SCARA5: variants seen among roughly 807,000 people sequenced by gnomAD.
SCARA5 encodes scavenger receptor class A member 5.
A neutral mutation model predicts 46.3 loss-of-function variants in SCARA5; 45 were observed. That is an observed-to-expected ratio of 0.97 (90% CI 0.76 to 1.24). SCARA5 has a LOEUF of 1.24. SCARA5 is among the 50% of genes most tolerant of loss of function. The probability of loss-of-function intolerance (pLI) is 0.00; values close to 1 mark genes in which losing one functional copy is unlikely to be tolerated. For missense variants in SCARA5, 680 were observed against 689.0 expected, an observed-to-expected ratio of 0.99 and a Z score of 0.15; for synonymous variants, 333 against 306.5, an observed-to-expected ratio of 1.09 and a Z score of -0.90.
At position 27,879,693 on chromosome 8, in the gene SCARA5, G is replaced by A. The variant is rs1398718758; in HGVS notation, c.1227C>T (p.Tyr409=). Residue 409 remains tyrosine (Y), a synonymous_variant, in exon 8 of 9, where the codon TAC becomes TAT. Transcript: ENST00000354914. ...ACACGGTGCCCCAACGCCGGTCGTG[G>A]TACACTTCCACGCGGCCCTCGTGCG... ...SGPHEGRVEV[Y]HDRRWGTVCD... is the part of the protein sequence containing the mutation. 7 of 1,612,938 alleles carry A rather than the reference G, an allele frequency of 4.3e-6. 1 individual carries two copies. The highest frequency in any genetic ancestry group is 5.1e-6 in the Non-Finnish European group (6 of 1,180,044).
intron 3 of SCARA5, among the ~76,000 whole-genome samples, chr8:27,961,332 CG>C (rs763265920): frequency 6.6e-6 from 1 of 152,060 alleles, no homozygotes; most frequent in Non-Finnish European, 1.5e-5. Context: ...TGTTTAAAGA[CG>C]GTGGACCTCC....
At chr8:27,938,817 A>C (rs1807896515) in intron 3 of SCARA5, among the ~76,000 whole-genome samples, 1 of 152,156 alleles carries the variant, frequency 6.6e-6, no homozygotes, top group Non-Finnish European at 1.5e-5. Flanking sequence ...CCCATCGTAA[A>C]CTAGTAACTC....
chr8:27,935,331 G>A (rs1385807699), intron 3 of SCARA5, among the ~76,000 whole-genome samples: 3 of 152,144 alleles, frequency 2.0e-5, no homozygotes, highest in Admixed American at 6.5e-5. Flanking sequence ...TCACAGCATC[G>A]CAACCCAGGC....
At chr8:27,886,421 C>A in intron 7 of SCARA5, among the ~76,000 whole-genome samples, 1 of 152,220 alleles carries the variant, frequency 6.6e-6, no homozygotes, top group South Asian at 2.1e-4. Flanking sequence ...TTTCTCCCCA[C>A]CCAACAAAAT....
rs866872944 is a variant in SCARA5 at position 27,905,529 on chromosome 8, G to C, written c.1097-695C>G. Among the ~76,000 whole-genome samples, 8 of 90,914 alleles carry C rather than the reference G, an allele frequency of 8.8e-5. 3 individuals are homozygous for C. 59.6% of individuals were successfully genotyped at this position (90,914 alleles called of 152,430 possible). A position where few individuals can be genotyped will look rare whatever the true frequency, so the allele number is the denominator to read the frequency against. On this transcript the variant is annotated intron_variant, in intron 6 of 8. Coordinates refer to ENST00000354914, the MANE Select transcript of SCARA5 (RefSeq NM_173833.6). ...CCCAGGATGATCCAAGATTTGGGGG[G>C]GGGAAAAAAAAAAGGCAGCCATATA...
rs10102992 is a variant in SCARA5 at position 27,951,771 on chromosome 8, C to T, written c.241+14643G>A. Among the ~76,000 whole-genome samples, 1,510 of 152,276 alleles carry T rather than the reference C, an allele frequency of 9.9e-3. 26 individuals are homozygous for T. Among genetic ancestry groups the T allele is most frequent in the African/African-American group, 0.035 (1,436 of 41,558 alleles). ...AGACAAGGCTGGAGAAGAGGAGGTC[C>T]GGAATCCCTTCTTCCTTTCAACATT... On this transcript the variant is annotated intron_variant, in intron 3 of 8. Coordinates refer to ENST00000354914, the MANE Select transcript of SCARA5 (RefSeq NM_173833.6).
intron 7 of SCARA5, among the ~76,000 whole-genome samples, chr8:27,889,015 C>T (rs557428364): frequency 6.6e-6 from 1 of 152,204 alleles, no homozygotes; most frequent in African/African-American, 2.4e-5. Context: ...GACCACAGCA[C>T]CTGCCTCCCC....
chr8:27,919,627 C>T (rs1239493327), intron 4 of SCARA5, among the ~76,000 whole-genome samples: 1 of 151,880 alleles, frequency 6.6e-6, no homozygotes, highest in Non-Finnish European at 1.5e-5. Context: ...TCTCTCTGTG[C>T]CCCCTAGCAT....
chr8:27,933,696 G>C (rs1222395721), intron 3 of SCARA5, among the ~76,000 whole-genome samples: 2 of 151,988 alleles, frequency 1.3e-5, no homozygotes, highest in African/African-American at 4.8e-5. Context: ...ACCTAATTCA[G>C]GTTCTGGAAA....
chr8:27,874,109 C>G (rs1455420246), intron 8 of SCARA5, among the ~76,000 whole-genome samples: 1 of 152,160 alleles, frequency 6.6e-6, no homozygotes, highest in East Asian at 1.9e-4. Flanking sequence ...TTCTGATGAA[C>G]AGAAAGACAA....
chr8:27,916,444 T>A (rs372091143), intron 4 of SCARA5, among the ~76,000 whole-genome samples: 5 of 152,216 alleles, frequency 3.3e-5, no homozygotes, highest in African/African-American at 1.2e-4. Context: ...TGTGTTTATG[T>A]CTGTATATGT....
intron 3 of SCARA5, among the ~76,000 whole-genome samples, chr8:27,944,891 C>A (rs537033678): frequency 6.6e-6 from 1 of 151,814 alleles, no homozygotes; most frequent in Admixed American, 6.6e-5. Context: ...TGAGGTCAGG[C>A]GCTGTGACTC....
chr8:27,902,264 C>T (rs1047939162), intron 7 of SCARA5, among the ~76,000 whole-genome samples: 1 of 152,150 alleles, frequency 6.6e-6, no homozygotes, highest in Non-Finnish European at 1.5e-5. Context: ...CTGATGTCAC[C>T]TCTTGCTGTA....
intron 2 of SCARA5, among the ~76,000 whole-genome samples, chr8:27,973,830 GA>G (rs1808482323): frequency 6.6e-6 from 1 of 152,092 alleles, no homozygotes; most frequent in Non-Finnish European, 1.5e-5. Context: ...CTTATGGGGT[GA>G]AAAAAATTCC....
At position 27,871,986 on chromosome 8, in the gene SCARA5, AC is replaced by A. The variant is rs1246802832; in HGVS notation, c.1435del (p.Val479Ter). 1.9e-6 allele frequency: 3 copies of A among 1,613,982 alleles called. No individual in the cohort carries two copies. The highest frequency in any genetic ancestry group is 1.1e-5 in the South Asian group (1 of 91,060). On this transcript the variant is annotated frameshift_variant, in exon 9 of 9. Coordinates refer to ENST00000354914, the MANE Select transcript of SCARA5 (RefSeq NM_173833.6). LOFTEE classifies it high-confidence loss of function. ...ATCTTCGGCATGTCCACAGTTTGTC[AC>A]CCCCCATTTGGAGAAGCTGCAGCGG... ...IFRCSFSKWG[V>X]TNCGHAEDAS...
intron 3 of SCARA5, among the ~76,000 whole-genome samples, chr8:27,937,664 T>C (rs1469758839): frequency 6.6e-6 from 1 of 152,136 alleles, no homozygotes; most frequent in African/African-American, 2.4e-5. Context: ...CTACAGACTT[T>C]TATGTTCTCA....
At chr8:27,943,899 A>G (rs1449164762) in intron 3 of SCARA5, among the ~76,000 whole-genome samples, 3 of 152,220 alleles carry the variant, frequency 2.0e-5, no homozygotes, top group Non-Finnish European at 4.4e-5. Context: ...AATCAGAGGG[A>G]ATAAAAGATA....
intron 1 of SCARA5, among the ~76,000 whole-genome samples, chr8:27,989,115 C>T (rs76388300): frequency 4.6e-5 from 6 of 131,148 alleles, no homozygotes; most frequent in Admixed American, 1.5e-4. Context: ...TTTTTTTTTT[C>T]TGTTTCTTTC....
rs772342453 is a variant in SCARA5 at position 27,871,924 on chromosome 8, C to T, written c.*10G>A. The T allele has an allele frequency of 6.2e-7, 1 of 1,613,972 alleles. No homozygotes were observed. On this transcript the variant is annotated 3_prime_UTR_variant, in exon 9 of 9. Transcript: ENST00000354914. ...CTGTGCAGGACCCCGAACTTGGGCT[C>T]TGCCCACTTTCAGTGTCTGTTGCAT...
Sources: gnomAD v4.1 joint callset for allele counts (sites outside exome capture counted in the v4.1 genomes callset) on GRCh38, gnomAD v4.1.1 for gene constraint, MANE v1.5 for transcripts, NCBI Gene and HGNC (gene_info 2026-07-23, HGNC 2026-07-21) for gene names.